The following FBXL5 variants were observed in gnomAD, a reference collection of about 807,000 sequenced individuals.
FBXL5 encodes F-box and leucine rich repeat protein 5.
Under a neutral mutation model 78.3 loss-of-function variants are expected in FBXL5, and 26 were observed. That is an observed-to-expected ratio of 0.33 (90% CI 0.24 to 0.46). The LOEUF (loss-of-function observed/expected upper bound fraction) is 0.46, where lower values mean the gene tolerates loss of function less well. FBXL5 is among the 20% of genes least tolerant of loss of function. The pLI is 1.00. For missense variants in FBXL5, 710 were observed against 829.2 expected, an observed-to-expected ratio of 0.86 and a Z score of 1.77; for synonymous variants, 295 against 282.5, an observed-to-expected ratio of 1.04 and a Z score of -0.45.
chr4:15,614,516 C>A (rs1234557879), intron 9 of FBXL5, among the ~76,000 whole-genome samples: 1 of 152,094 alleles, frequency 6.6e-6, no homozygotes, highest in East Asian at 1.9e-4. Context: ...AGGCAGTGGG[C>A]AGGGCCATAG....
intron 5 of FBXL5, among the ~76,000 whole-genome samples, chr4:15,635,761 G>GA (rs71649918): frequency 0.57 from 68,865 of 121,258 alleles, 17,616 homozygotes; most frequent in Non-Finnish European, 0.62. Context: ...CTCAAAAAAA[G>GA]AAAAAAAAAA....
At chr4:15,637,146 T>G (rs1714362193) in intron 4 of FBXL5, among the ~76,000 whole-genome samples, 2 of 152,240 alleles carry the variant, frequency 1.3e-5, no homozygotes, top group African/African-American at 4.8e-5. Flanking sequence ...CTTGCTTGTA[T>G]TCCCTCTTTG....
At chr4:15,646,894 C>T (rs770420071) in intron 1 of FBXL5, among the ~76,000 whole-genome samples, 2 of 151,758 alleles carry the variant, frequency 1.3e-5, no homozygotes, top group Non-Finnish European at 2.9e-5. Context: ...AGTCAGCCTC[C>T]GTGGGGATGC....
chr4:15,630,326 T>C (rs907832643), intron 6 of FBXL5, among the ~76,000 whole-genome samples: 27 of 152,272 alleles, frequency 1.8e-4, no homozygotes, highest in African/African-American at 6.5e-4. Context: ...GATGACTCAA[T>C]AGATGCTGTG....
chr4:15,616,783 C>T (rs930676330), intron 9 of FBXL5, among the ~76,000 whole-genome samples: 1 of 152,218 alleles, frequency 6.6e-6, no homozygotes, highest in African/African-American at 2.4e-5. Context: ...AAATTCATCT[C>T]AGCTCCAGGT....
At chr4:15,648,045 CG>C (rs1446644374) in intron 1 of FBXL5, among the ~76,000 whole-genome samples, 25 of 152,014 alleles carry the variant, frequency 1.6e-4, no homozygotes, top group African/African-American at 6.0e-4. Flanking sequence ...TTTTTAGAGA[CG>C]GGGTCTCACT....
At chr4:15,645,194 C>T (rs1383593543) in intron 1 of FBXL5, among the ~76,000 whole-genome samples, 1 of 151,882 alleles carries the variant, frequency 6.6e-6, no homozygotes, top group Non-Finnish European at 1.5e-5. Flanking sequence ...TGTCTTATTG[C>T]CTATTATCAG....
At chr4:15,655,492 G>A (rs866853596), upstream of FBXL5, 363 of 629,868 alleles carry the variant, frequency 5.8e-4, no homozygotes, top group Middle Eastern at 0.011. Context: ...GGCGCGCGCA[G>A]AGGCTCGCGG....
chr4:15,664,058 A>C (rs1717427688), upstream of FBXL5, among the ~76,000 whole-genome samples: 1 of 152,206 alleles, frequency 6.6e-6, no homozygotes, highest in Non-Finnish European at 1.5e-5. Flanking sequence ...CCATTAAGAA[A>C]TAGCAGAGCC....
intron 1 of FBXL5, among the ~76,000 whole-genome samples, chr4:15,645,506 C>T (rs1027152075): frequency 6.6e-6 from 1 of 152,128 alleles, no homozygotes; most frequent in Non-Finnish European, 1.5e-5. Context: ...CAGCTCACTG[C>T]AGACTCTGCC....
At chr4:15,676,844 A>C (rs73243129) in intron 1 of FBXL5, among the ~76,000 whole-genome samples, 13,774 of 152,252 alleles carry the variant, frequency 0.09, 790 homozygotes, top group Non-Finnish European at 0.13. Context: ...CATGTTACCT[A>C]ATATATCACT....
At chr4:15,636,092 ATAAT>A (rs1714232975) in intron 5 of FBXL5, among the ~76,000 whole-genome samples, 2 of 152,054 alleles carry the variant, frequency 1.3e-5, no homozygotes, top group Admixed American at 6.6e-5. Context: ...AAATATTCAT[ATAAT>A]TATTATTAAA....
chr4:15,636,030 G>A (rs1714227630), intron 5 of FBXL5, among the ~76,000 whole-genome samples: 1 of 151,910 alleles, frequency 6.6e-6, no homozygotes, highest in Non-Finnish European at 1.5e-5. Flanking sequence ...CCAAAATGGA[G>A]CCATAATGGT....
intron 1 of FBXL5, among the ~76,000 whole-genome samples, chr4:15,679,923 A>T (rs1051875379): frequency 1.3e-5 from 2 of 152,216 alleles, no homozygotes; most frequent in Non-Finnish European, 2.9e-5. Flanking sequence ...TTACCCCTGC[A>T]AATGTAGAAA....
At chr4:15,657,492 A>G (rs538166170), upstream of FBXL5, among the ~76,000 whole-genome samples, 3 of 152,358 alleles carry the variant, frequency 2.0e-5, no homozygotes, top group East Asian at 3.9e-4. Context: ...TTAAAAAGGT[A>G]TTTGGCAACA....
intron 1 of FBXL5, among the ~76,000 whole-genome samples, chr4:15,653,830 C>T (rs1036934961): frequency 6.6e-6 from 1 of 152,196 alleles, no homozygotes; most frequent in South Asian, 2.1e-4. Flanking sequence ...GCATACTGCA[C>T]TCAAATGGAG....
chr4:15,653,242 C>T (rs915095572), intron 1 of FBXL5, among the ~76,000 whole-genome samples: 2 of 152,078 alleles, frequency 1.3e-5, no homozygotes, highest in African/African-American at 4.8e-5. Flanking sequence ...TACACCATGT[C>T]AAATTGAAAA....
intron 9 of FBXL5, among the ~76,000 whole-genome samples, chr4:15,615,694 A>G (rs1711771915): frequency 3.3e-5 from 5 of 150,358 alleles, no homozygotes; most frequent in Admixed American, 2.7e-4. Context: ...GTGTGACGAA[A>G]CTCTGTATCT....
upstream of FBXL5, among the ~76,000 whole-genome samples, chr4:15,658,826 G>C (rs1717155578): frequency 6.6e-6 from 1 of 152,166 alleles, no homozygotes; most frequent in South Asian, 2.1e-4. Context: ...GGTAGAAGTG[G>C]CCCTTAAGTT....
Sources: allele counts gnomAD v4.1 joint callset (sites outside exome capture counted in the v4.1 genomes callset), GRCh38; gene constraint gnomAD v4.1.1; transcripts MANE v1.5; gene names NCBI Gene and HGNC (gene_info 2026-07-23, HGNC 2026-07-21).